EYA1: variants seen among roughly 807,000 people sequenced by gnomAD.
EYA1 encodes EYA transcriptional coactivator and phosphatase 1.
Under a neutral mutation model 82.0 loss-of-function variants are expected in EYA1, and 16 were observed. The ratio of observed to expected loss-of-function variants is 0.20; its 90% CI spans 0.13 to 0.30. The LOEUF (loss-of-function observed/expected upper bound fraction) is 0.30. EYA1 is among the 10% of genes least tolerant of loss of function. EYA1 has a pLI of 1.00. For synonymous variants in EYA1, 261 were observed against 264.4 expected, an observed-to-expected ratio of 0.99 and a Z score of 0.12; for missense variants, 633 against 730.7, an observed-to-expected ratio of 0.87 and a Z score of 1.54.
chr8:71,325,249 C>T (rs757981326), intron 4 of EYA1, among the ~76,000 whole-genome samples: 1 of 152,136 alleles, frequency 6.6e-6, no homozygotes, highest in East Asian at 1.9e-4. Flanking sequence ...GCTCTTCTTT[C>T]CTCTGCCTGA....
chr8:71,382,143 G>T (rs181776929), intron 2 of EYA1, among the ~76,000 whole-genome samples: 1 of 152,090 alleles, frequency 6.6e-6, no homozygotes, highest in Non-Finnish European at 1.5e-5. Flanking sequence ...TAGTAGAACC[G>T]CAGATGAATT....
intron 2 of EYA1, among the ~76,000 whole-genome samples, chr8:71,462,603 G>A (rs1465996800): frequency 6.6e-6 from 1 of 152,190 alleles, no homozygotes; most frequent in Non-Finnish European, 1.5e-5. Flanking sequence ...AGGCTCCGGG[G>A]GATTCCTGCT....
At chr8:71,267,751 T>C (rs1279560260) in intron 11 of EYA1, among the ~76,000 whole-genome samples, 1 of 152,150 alleles carries the variant, frequency 6.6e-6, no homozygotes, top group Non-Finnish European at 1.5e-5. Flanking sequence ...GGTTTCACTG[T>C]GTTAGCCAGG....
intron 9 of EYA1, among the ~76,000 whole-genome samples, chr8:71,285,890 T>C (rs558734984): frequency 6.6e-6 from 1 of 152,338 alleles, no homozygotes; most frequent in African/African-American, 2.4e-5. Flanking sequence ...TTCTGAATAA[T>C]TGATATCCCA....
intron 12 of EYA1, among the ~76,000 whole-genome samples, chr8:71,239,713 C>G (rs186644521): frequency 1.1e-4 from 16 of 152,314 alleles, no homozygotes; most frequent in African/African-American, 3.6e-4. Context: ...CAGCAAAGAA[C>G]TACAGTGTCT....
intron 2 of EYA1, among the ~76,000 whole-genome samples, chr8:71,495,999 A>T (rs772535447): frequency 6.6e-6 from 1 of 152,244 alleles, no homozygotes; most frequent in Non-Finnish European, 1.5e-5. Context: ...ATTCCTAAAC[A>T]CTGGTTTTAT....
intron 4 of EYA1, among the ~76,000 whole-genome samples, chr8:71,328,009 C>T (rs556029044): frequency 6.6e-6 from 1 of 151,960 alleles, no homozygotes; most frequent in Non-Finnish European, 1.5e-5. Flanking sequence ...GTGCCCGCCA[C>T]CATGCCCGGC....
rs755469377 is a variant in EYA1, at chr8:71,334,088, A to G, written c.202+9T>C. ...GTGTTGATGTGAAAATCTAATATTT[A>G]TTCCTTACCTGAACCTGAGAAATTG... On this transcript the variant is annotated intron_variant, in intron 4 of 17. Transcript: ENST00000340726. 4 of 1,605,354 alleles carry G rather than the reference A, an allele frequency of 2.5e-6. No individual in the cohort carries two copies. The Admixed American group carries it at 6.7e-5, about 27-fold the overall frequency.
intron 9 of EYA1, among the ~76,000 whole-genome samples, chr8:71,283,027 C>T (rs1259891957): frequency 6.7e-6 from 1 of 149,110 alleles, no homozygotes; most frequent in Non-Finnish European, 1.5e-5. Context: ...TGCCATGCTT[C>T]TGCTTAAACA....
chr8:71,367,613 A>G (rs1827833661), intron 2 of EYA1, among the ~76,000 whole-genome samples: 1 of 152,092 alleles, frequency 6.6e-6, no homozygotes, highest in South Asian at 2.1e-4. Flanking sequence ...CAGAATTCAA[A>G]GGATCAGTAA....
At chr8:71,207,515 A>C (rs988813724) in intron 17 of EYA1, among the ~76,000 whole-genome samples, 1 of 152,248 alleles carries the variant, frequency 6.6e-6, no homozygotes, top group African/African-American at 2.4e-5. Flanking sequence ...AGTGGTTTGC[A>C]GCAGATATTT....
intron 3 of EYA1, among the ~76,000 whole-genome samples, chr8:71,352,548 G>T (rs1826413788): frequency 6.6e-6 from 1 of 152,110 alleles, no homozygotes; most frequent in African/African-American, 2.4e-5. Context: ...AATGAAGATT[G>T]CCTGAAACAG....
At chr8:71,395,104 G>T (rs28752199) in intron 2 of EYA1, among the ~76,000 whole-genome samples, 31,508 of 152,046 alleles carry the variant, frequency 0.21, 4,231 homozygotes, top group African/African-American at 0.38. Flanking sequence ...TCTGTTATTG[G>T]TGTATAAGAA....
At chr8:71,511,540 G>A (rs1473860618) in intron 2 of EYA1, among the ~76,000 whole-genome samples, 1 of 152,128 alleles carries the variant, frequency 6.6e-6, no homozygotes, top group East Asian at 1.9e-4. Context: ...ATGACTGACG[G>A]GTCAGGTAAG....
At chr8:71,203,689 A>G (rs1232960450) in intron 17 of EYA1, among the ~76,000 whole-genome samples, 1 of 152,164 alleles carries the variant, frequency 6.6e-6, no homozygotes, top group Non-Finnish European at 1.5e-5. Context: ...AAGGAGCGAG[A>G]GGCTAACACT....
intron 9 of EYA1, among the ~76,000 whole-genome samples, chr8:71,290,578 T>C (rs1818886647): frequency 6.6e-6 from 1 of 152,088 alleles, no homozygotes; most frequent in African/African-American, 2.4e-5. Context: ...CTATAAGGCA[T>C]CCTGACATAT....
chr8:71,539,637 A>G (rs571039533), intron 1 of EYA1, among the ~76,000 whole-genome samples: 1 of 152,358 alleles, frequency 6.6e-6, no homozygotes, highest in East Asian at 1.9e-4. Flanking sequence ...GTGGTGGAGG[A>G]GAACTCAGTC....
At chr8:71,519,456 G>A (rs1467434169) in intron 2 of EYA1, among the ~76,000 whole-genome samples, 2 of 151,986 alleles carry the variant, frequency 1.3e-5, no homozygotes, top group Non-Finnish European at 2.9e-5. Context: ...AGGTATAAGT[G>A]ATGAAAATAT....
At chr8:71,523,458 G>A (rs533241074) in intron 2 of EYA1, among the ~76,000 whole-genome samples, 13 of 152,192 alleles carry the variant, frequency 8.5e-5, no homozygotes, top group African/African-American at 3.1e-4. Context: ...GATTACAGGC[G>A]TGACCTACCG....
Sources: allele counts gnomAD v4.1 joint callset (sites outside exome capture counted in the v4.1 genomes callset), GRCh38; gene constraint gnomAD v4.1.1; transcripts MANE v1.5; gene names NCBI Gene and HGNC (gene_info 2026-07-23, HGNC 2026-07-21).